The following SEMA6D variants were observed in gnomAD, a reference collection of about 807,000 sequenced individuals.
SEMA6D encodes semaphorin 6D.
In SEMA6D, 35 loss-of-function variants were observed where a neutral mutation model predicts 106.6. That is an observed-to-expected ratio of 0.33 (90% CI 0.25 to 0.44). The LOEUF is 0.44. Ranked by LOEUF, SEMA6D falls within the 20% of genes least tolerant of loss-of-function variation. SEMA6D has a pLI of 1.00. For missense variants in SEMA6D, 1,185 were observed against 1,345.9 expected (o/e 0.88, Z 1.87); for synonymous variants, 499 against 487.7 (o/e 1.02, Z -0.31).
intron 1 of SEMA6D, among the ~76,000 whole-genome samples, chr15:47,731,953 G>T (rs941210936): frequency 6.6e-6 from 1 of 152,176 alleles, no homozygotes; most frequent in Non-Finnish European, 1.5e-5. Flanking sequence ...GACGTAGGTT[G>T]GAAACCCATC....
At chr15:47,267,775 T>G (rs2034388839) in intron 1 of SEMA6D, among the ~76,000 whole-genome samples, 1 of 152,180 alleles carries the variant, frequency 6.6e-6, no homozygotes, top group African/African-American at 2.4e-5. Context: ...AAATTCTTAT[T>G]AAGTTCTAGA....
chr15:47,281,571 A>G (rs999882994), intron 1 of SEMA6D, among the ~76,000 whole-genome samples: 18 of 151,774 alleles, frequency 1.2e-4, no homozygotes, highest in African/African-American at 4.1e-4. Context: ...TCCTGTCGTT[A>G]TGATGTTAGC....
chr15:47,336,212 T>C (rs1567007433), intron 1 of SEMA6D, among the ~76,000 whole-genome samples: 1 of 152,196 alleles, frequency 6.6e-6, no homozygotes, highest in African/African-American at 2.4e-5. Context: ...TTGTGTCTCT[T>C]TTACCTGATT....
intron 4 of SEMA6D, among the ~76,000 whole-genome samples, chr15:47,681,190 A>G (rs1390484779): frequency 6.6e-6 from 1 of 152,266 alleles, no homozygotes; most frequent in Non-Finnish European, 1.5e-5. Context: ...CTGTAAATGC[A>G]TATGAAAATA....
chr15:47,561,924 T>G (rs1027660647), intron 3 of SEMA6D, among the ~76,000 whole-genome samples: 6 of 151,942 alleles, frequency 3.9e-5, no homozygotes, highest in African/African-American at 7.2e-5. Flanking sequence ...CATATTTCTA[T>G]CATTATCCCA....
chr15:47,610,891 A>C (rs1469452167), intron 4 of SEMA6D, among the ~76,000 whole-genome samples: 1 of 152,230 alleles, frequency 6.6e-6, no homozygotes, highest in Admixed American at 6.5e-5. Context: ...CTCATTTTGA[A>C]GTGGATTAAG....
chr15:47,616,106 G>A (rs952586080), intron 4 of SEMA6D, among the ~76,000 whole-genome samples: 11 of 151,818 alleles, frequency 7.2e-5, no homozygotes, highest in South Asian at 2.1e-4. Context: ...AATATTTACC[G>A]ATCTCTCACC....
chr15:47,745,675 A>G (rs1187593142), intron 1 of SEMA6D, among the ~76,000 whole-genome samples: 1 of 152,218 alleles, frequency 6.6e-6, no homozygotes, highest in Non-Finnish European at 1.5e-5. Context: ...GGCTGCAGGT[A>G]ATGCACAGGT....
At chr15:47,187,966 T>C (rs1394459731) in intron 1 of SEMA6D, among the ~76,000 whole-genome samples, 3 of 152,148 alleles carry the variant, frequency 2.0e-5, no homozygotes, top group Non-Finnish European at 4.4e-5. Flanking sequence ...ATAATATACA[T>C]TTGGGTAAAT....
At chr15:47,676,450 A>G (rs2078247509) in intron 4 of SEMA6D, among the ~76,000 whole-genome samples, 1 of 152,180 alleles carries the variant, frequency 6.6e-6, no homozygotes, top group Non-Finnish European at 1.5e-5. Context: ...AATCGCACAC[A>G]TTTCTGCTTA....
intron 1 of SEMA6D, among the ~76,000 whole-genome samples, chr15:47,751,261 T>C (rs8036851): frequency 0.074 from 11,278 of 152,220 alleles, 1,258 homozygotes; most frequent in African/African-American, 0.24. Context: ...ATGAATGCTA[T>C]ATAAACCTAA....
At chr15:47,441,342 C>T (rs1180972220) in intron 2 of SEMA6D, among the ~76,000 whole-genome samples, 1 of 151,926 alleles carries the variant, frequency 6.6e-6, no homozygotes, top group Non-Finnish European at 1.5e-5. Context: ...GGGGAGAAAC[C>T]AAAGTGGACA....
At chr15:47,623,430 A>C (rs1180766966) in intron 4 of SEMA6D, among the ~76,000 whole-genome samples, 1 of 152,234 alleles carries the variant, frequency 6.6e-6, no homozygotes, top group African/African-American at 2.4e-5. Context: ...TTTTACAGGT[A>C]AGGCAACTGA....
chr15:47,346,597 A>G (rs1415188874), intron 1 of SEMA6D, among the ~76,000 whole-genome samples: 1 of 152,206 alleles, frequency 6.6e-6, no homozygotes, highest in East Asian at 1.9e-4. Flanking sequence ...GCCAATTCAA[A>G]TTTAGAAACA....
chr15:47,598,768 C>T (rs1346386291), intron 3 of SEMA6D, among the ~76,000 whole-genome samples: 1 of 152,022 alleles, frequency 6.6e-6, no homozygotes, highest in African/African-American at 2.4e-5. Flanking sequence ...TACAGATCAC[C>T]AAGGCAAATA....
chr15:47,476,758 A>G (rs1430926586), intron 3 of SEMA6D, among the ~76,000 whole-genome samples: 2 of 152,180 alleles, frequency 1.3e-5, no homozygotes, highest in Middle Eastern at 3.2e-3. Flanking sequence ...ACTCTGGCCT[A>G]AGACTCCTTT....
intron 2 of SEMA6D, among the ~76,000 whole-genome samples, chr15:47,440,959 ATC>A (rs2041863878): frequency 6.6e-6 from 1 of 152,096 alleles, no homozygotes; most frequent in African/African-American, 2.4e-5. Context: ...AATCAGGCTC[ATC>A]TGTTTGTCCT....
chr15:47,280,245 C>T (rs866631007), intron 1 of SEMA6D, among the ~76,000 whole-genome samples: 20 of 151,396 alleles, frequency 1.3e-4, no homozygotes, highest in Middle Eastern at 6.8e-3. Context: ...TTCTTCCTGG[C>T]TTAGTCTTGG....
At chr15:47,490,117 C>T (rs190257666) in intron 3 of SEMA6D, among the ~76,000 whole-genome samples, 1 of 152,226 alleles carries the variant, frequency 6.6e-6, no homozygotes, top group East Asian at 1.9e-4. Flanking sequence ...CAGTAGATAT[C>T]ATACTATTTT....
Sources: gnomAD v4.1 joint callset for allele counts (sites outside exome capture counted in the v4.1 genomes callset) on GRCh38, gnomAD v4.1.1 for gene constraint, MANE v1.5 for transcripts, NCBI Gene and HGNC (gene_info 2026-07-23, HGNC 2026-07-21) for gene names.